The following RYK variants were observed in gnomAD, a reference collection of about 807,000 sequenced individuals.
RYK encodes the protein receptor like tyrosine kinase.
Under a neutral mutation model 70.2 loss-of-function variants are expected in RYK, and 21 were observed. The ratio of observed to expected loss-of-function variants is 0.30; its 90% confidence interval spans 0.21 to 0.43. RYK has a LOEUF of 0.43. RYK is among the 20% of genes least tolerant of loss of function. The pLI, the probability that RYK is intolerant of heterozygous loss-of-function variation, is 1.00. For missense variants in RYK, 604 were observed against 753.3 expected (o/e 0.80, Z 2.32); for synonymous variants, 267 against 278.0 (o/e 0.96, Z 0.39).
intron 7 of RYK, among the ~76,000 whole-genome samples, chr3:134,193,077 GTAGT>G (rs1410494226): frequency 6.6e-6 from 1 of 151,906 alleles, no homozygotes; most frequent in Non-Finnish European, 1.5e-5. Flanking sequence ...ATATATATAT[GTAGT>G]AAGTAAATTA....
intron 11 of RYK, among the ~76,000 whole-genome samples, chr3:134,176,378 T>C (rs1397368010): frequency 6.6e-6 from 1 of 152,222 alleles, no homozygotes; most frequent in Admixed American, 6.5e-5. Flanking sequence ...TATAATTCAG[T>C]AATCTTTTTT....
intron 10 of RYK, chr3:134,181,712 A>G (rs2013300883): frequency 6.6e-6 from 1 of 152,178 alleles, no homozygotes; most frequent in Non-Finnish European, 1.5e-5. Context: ...AATTTTCAGT[A>G]GACATACAAA....
chr3:134,167,789 TAA>T (rs2012733305), intron 13 of RYK, among the ~76,000 whole-genome samples: 1 of 152,078 alleles, frequency 6.6e-6, no homozygotes, highest in Non-Finnish European at 1.5e-5. Context: ...CTAATTAAAC[TAA>T]AGAGCTTCTG....
At chr3:134,230,174 C>T (rs1237114486) in intron 1 of RYK, among the ~76,000 whole-genome samples, 1 of 152,192 alleles carries the variant, frequency 6.6e-6, no homozygotes, top group Admixed American at 6.5e-5. Flanking sequence ...GCAACCTCTG[C>T]CTCCCAGGTA....
intron 13 of RYK, among the ~76,000 whole-genome samples, chr3:134,172,655 G>A (rs957503155): frequency 6.6e-6 from 1 of 152,020 alleles, no homozygotes; most frequent in Non-Finnish European, 1.5e-5. Flanking sequence ...CTAAAAAAAA[G>A]CCCAGGTTCT....
chr3:134,190,194 C>G (rs2013601543), intron 8 of RYK, among the ~76,000 whole-genome samples: 1 of 152,124 alleles, frequency 6.6e-6, no homozygotes, highest in African/African-American at 2.4e-5. Flanking sequence ...TTCAAACACT[C>G]TAGTCAATAC....
At chr3:134,186,509 T>C (rs1257743606) in intron 9 of RYK, among the ~76,000 whole-genome samples, 1 of 152,228 alleles carries the variant, frequency 6.6e-6, no homozygotes, top group Non-Finnish European at 1.5e-5. Context: ...GAGACAGTCA[T>C]GTGGCGCTAT....
chr3:134,250,187 T>C (rs1479053837), intron 1 of RYK, among the ~76,000 whole-genome samples: 1 of 152,068 alleles, frequency 6.6e-6, no homozygotes, highest in African/African-American at 2.4e-5. Context: ...AATCTGGGTC[T>C]ATCGCGGCGG....
chr3:134,159,472 T>A (rs1280652415), intron 13 of RYK, 99 bp from the exon 14 acceptor site: 4 of 1,175,458 alleles, frequency 3.4e-6, no homozygotes, highest in Non-Finnish European at 4.7e-6. Context: ...ACAGCTCAAC[T>A]CATGCTTTGG....
At chr3:134,236,145 T>A (rs2015196437) in intron 1 of RYK, among the ~76,000 whole-genome samples, 1 of 152,064 alleles carries the variant, frequency 6.6e-6, no homozygotes. Context: ...AGTCACTGAG[T>A]ATCATTTTGT....
chr3:134,189,831 A>T (rs1264724340), intron 8 of RYK, among the ~76,000 whole-genome samples: 1 of 152,114 alleles, frequency 6.6e-6, no homozygotes, highest in Admixed American at 6.5e-5. Context: ...GGAAGGAACT[A>T]AGAAAATCCA....
chr3:134,178,592 T>C (rs2013191055), intron 10 of RYK: 1 of 151,462 alleles, frequency 6.6e-6, no homozygotes, highest in African/African-American at 2.4e-5. Flanking sequence ...AATCAGATTT[T>C]TGAATCCTAG....
chr3:134,198,262 T>C (rs894706088), intron 6 of RYK, among the ~76,000 whole-genome samples: 1 of 152,244 alleles, frequency 6.6e-6, no homozygotes, highest in Non-Finnish European at 1.5e-5. Context: ...TGTCTTAGAA[T>C]GAAGTCAGAA....
At chr3:134,231,350 G>C (rs1019482816) in intron 1 of RYK, among the ~76,000 whole-genome samples, 1 of 152,098 alleles carries the variant, frequency 6.6e-6, no homozygotes, top group Non-Finnish European at 1.5e-5. Context: ...GGGAACATCT[G>C]TTCTCCCCAA....
At chr3:134,188,741 T>C (rs923601791) in intron 9 of RYK, 96 bp downstream of exon 9, 2 of 720,462 alleles carry the variant, frequency 2.8e-6, no homozygotes, top group African/African-American at 1.8e-5. Flanking sequence ...ATTTAAAAGG[T>C]CTGGCACACA....
At chr3:134,197,105 A>T (rs1488577850) in intron 6 of RYK, among the ~76,000 whole-genome samples, 2 of 152,226 alleles carry the variant, frequency 1.3e-5, no homozygotes, top group African/African-American at 2.4e-5. Context: ...GTGATGCTGC[A>T]GTTAGCCCTG....
Position 134,244,818 on chromosome 3 carries a change from G to C in RYK, c.232+5605C>G, listed in dbSNP as rs116630007. Among the ~76,000 whole-genome samples, 272 of 152,298 alleles carry C rather than the reference G, an allele frequency of 1.8e-3. 1 individual carries two copies. Among genetic ancestry groups the C allele is most frequent in the African/African-American group, 6.2e-3 (257 of 41,552 alleles). On this transcript the variant is annotated intron_variant, in intron 1 of 14. Transcript: ENST00000623711. Reference sequence around the variant, plus strand: ...TATGTTGAAATCCTAACCACTAAGGGATGGTATTAGCAGGTAGGGCCCTTT... The same window carrying C: ...TATGTTGAAATCCTAACCACTAAGGCATGGTATTAGCAGGTAGGGCCCTTT...
chr3:134,232,423 C>A (rs1560026674), intron 1 of RYK, among the ~76,000 whole-genome samples: 1 of 152,172 alleles, frequency 6.6e-6, no homozygotes, highest in Admixed American at 6.5e-5. Context: ...TGACTCACTA[C>A]AAGATGATGC....
At chr3:134,232,260 G>A (rs910935448) in intron 1 of RYK, among the ~76,000 whole-genome samples, 2 of 152,032 alleles carry the variant, frequency 1.3e-5, no homozygotes, top group African/African-American at 4.8e-5. Context: ...CTTACCAGTG[G>A]AGGTTTCCAC....
Sources: gnomAD v4.1 joint callset for allele counts (sites outside exome capture counted in the v4.1 genomes callset) on GRCh38, gnomAD v4.1.1 for gene constraint, MANE v1.5 for transcripts, NCBI Gene and HGNC (gene_info 2026-07-23, HGNC 2026-07-21) for gene names.